Variants in ROBO1 observed in about 807,000 individuals in gnomAD.
ROBO1 encodes the protein roundabout homolog 1.
In ROBO1, 149 loss-of-function variants were observed where a neutral mutation model predicts 195.9. The ratio of observed to expected loss-of-function variants is 0.76; its 90% CI spans 0.67 to 0.87. The LOEUF (loss-of-function observed/expected upper bound fraction) is 0.87. Ranked by LOEUF, ROBO1 falls within the 40% of genes least tolerant of loss-of-function variation. ROBO1 has a pLI of 0.00. For synonymous variants in ROBO1, 816 were observed against 733.2 expected (o/e 1.11, Z -1.82); for missense variants, 1,933 against 2,068.3 (o/e 0.93, Z 1.27).
intron 2 of ROBO1, among the ~76,000 whole-genome samples, chr3:79,307,634 GTTC>G (rs1357787690): frequency 3.3e-5 from 5 of 151,886 alleles, no homozygotes; most frequent in Admixed American, 6.6e-5. Flanking sequence ...AAATGTTATG[GTTC>G]TTATTAGAAT....
At chr3:79,034,745 C>T (rs1553664773) in intron 3 of ROBO1, among the ~76,000 whole-genome samples, 2 of 152,022 alleles carry the variant, frequency 1.3e-5, no homozygotes, top group Non-Finnish European at 2.9e-5. Flanking sequence ...CTAAATCTTA[C>T]ATTTTATGTA....
chr3:79,564,555 T>C (rs1167936050), intron 2 of ROBO1, among the ~76,000 whole-genome samples: 1 of 152,080 alleles, frequency 6.6e-6, no homozygotes, highest in Non-Finnish European at 1.5e-5. Context: ...AGATATTTTA[T>C]GAATTGAATG....
At chr3:79,636,537 A>T (rs1945501924) in intron 1 of ROBO1, among the ~76,000 whole-genome samples, 1 of 152,056 alleles carries the variant, frequency 6.6e-6, no homozygotes, top group Admixed American at 6.6e-5. Flanking sequence ...TCATAAAGTG[A>T]TTCTTCTGAA....
intron 4 of ROBO1, among the ~76,000 whole-genome samples, chr3:78,753,797 G>C (rs954391111): frequency 6.6e-6 from 1 of 152,016 alleles, no homozygotes; most frequent in African/African-American, 2.4e-5. Context: ...TTGAAAGTCT[G>C]GTAGATCATT....
intron 28 of ROBO1, among the ~76,000 whole-genome samples, chr3:78,611,777 G>T (rs950722435): frequency 6.6e-6 from 1 of 152,126 alleles, no homozygotes; most frequent in Admixed American, 6.6e-5. Flanking sequence ...AGGTCACCGG[G>T]GTAGGTCCTA....
At chr3:79,230,741 G>A (rs1402764838) in intron 2 of ROBO1, among the ~76,000 whole-genome samples, 1 of 151,728 alleles carries the variant, frequency 6.6e-6, no homozygotes, top group African/African-American at 2.4e-5. Flanking sequence ...TTCTTTATAC[G>A]AGACCAAAAA....
At chr3:79,663,713 G>A (rs1188366640) in intron 1 of ROBO1, among the ~76,000 whole-genome samples, 1 of 152,118 alleles carries the variant, frequency 6.6e-6, no homozygotes, top group South Asian at 2.1e-4. Flanking sequence ...TATCTCTAGA[G>A]CACTTGCCAT....
At chr3:78,627,590 G>T (rs775082794) in intron 25 of ROBO1, 21 bp from the exon 26 acceptor site, 1 of 1,588,188 alleles carries the variant, frequency 6.3e-7, no homozygotes, top group South Asian at 1.2e-5. Context: ...TGATAAGGAT[G>T]TGTAGACTTA....
Position 78,830,748 on chromosome 3 carries a change from A to G in ROBO1, c.500-83848T>C, listed in dbSNP as rs569516456. On this transcript the variant is annotated intron_variant, in intron 4 of 30. Coordinates refer to ENST00000464233, the MANE Select transcript of ROBO1 (RefSeq NM_002941.4). The stretch of plus-strand genomic sequence containing the variant: ...TCTGTGAATTAGTAGAGGCAACAGG[A>G]AAAGAAATTCTCATGAATTTCTAGC... Among the ~76,000 whole-genome samples the G allele has an allele frequency of 3.9e-5, 6 of 152,274 alleles. No homozygotes were observed. In the South Asian group the frequency reaches 1.0e-3, roughly 26 times the overall value.
intron 2 of ROBO1, among the ~76,000 whole-genome samples, chr3:79,401,560 G>C (rs912148538): frequency 6.6e-6 from 1 of 151,740 alleles, no homozygotes; most frequent in Non-Finnish European, 1.5e-5. Context: ...TTCTTAAGTT[G>C]GAAGCATTTT....
At chr3:78,721,738 A>G (rs3773231) in intron 5 of ROBO1, among the ~76,000 whole-genome samples, 41,350 of 152,094 alleles carry the variant, frequency 0.27, 6,066 homozygotes, top group African/African-American at 0.38. Flanking sequence ...AACAGCTTAG[A>G]TTTATTTCTA....
chr3:78,787,185 G>A (rs1256748804), intron 4 of ROBO1, among the ~76,000 whole-genome samples: 1 of 152,064 alleles, frequency 6.6e-6, no homozygotes, highest in Non-Finnish European at 1.5e-5. Context: ...CATACTTTGA[G>A]GATCACTGGC....
chr3:78,659,764 A>G lies in ROBO1; in HGVS notation c.2364T>C (p.Asp788=). Residue 788 remains aspartate (D), a synonymous_variant, in exon 17 of 31, where the codon GAT becomes GAC. Transcript: ENST00000464233. ...TAACTAGAATTGCAGTTCCGTTTCC[A>G]TCATTCTTGGATACAGTTACACCTT... The part of the protein sequence containing the change: ...PPQGVTVSKN[D]GNGTAILVSW... The G allele has an allele frequency of 6.2e-7, 1 of 1,602,228 alleles. No individual in the cohort carries two copies. Among genetic ancestry groups the G allele is most frequent in the Non-Finnish European group, 8.5e-7 (1 of 1,173,738 alleles).
In ROBO1 at chr3:79,377,069, C is replaced by T. The variant is rs576699199; in HGVS notation, c.88+212755G>A. Among the ~76,000 whole-genome samples, 48 of 151,478 alleles carry T rather than the reference C, an allele frequency of 3.2e-4. 1 individual carries two copies. The highest frequency in any genetic ancestry group is 1.2e-3 in the East Asian group (6 of 5,150). On this transcript the variant is annotated intron_variant, in intron 2 of 30. Coordinates refer to ENST00000464233, the MANE Select transcript of ROBO1 (RefSeq NM_002941.4). ...TAAAGGAATTAAAAAGTGAACCAGC[C>T]GAAGAAGGCAAGTTTTTCAAGCCAC... is the stretch of plus-strand genomic sequence containing the variant.
At chr3:79,317,904 G>A (rs993262999) in intron 2 of ROBO1, among the ~76,000 whole-genome samples, 5 of 151,658 alleles carry the variant, frequency 3.3e-5, no homozygotes, top group African/African-American at 7.3e-5. Flanking sequence ...ATACACACAC[G>A]CATAAACAAC....
chr3:79,000,261 T>G (rs1047250118), intron 3 of ROBO1, among the ~76,000 whole-genome samples: 2 of 152,156 alleles, frequency 1.3e-5, no homozygotes, highest in Non-Finnish European at 2.9e-5. Flanking sequence ...CAGATCTCTT[T>G]GATGGGGTTG....
At chr3:79,473,619 G>A (rs74465482) in intron 2 of ROBO1, among the ~76,000 whole-genome samples, 6,129 of 152,092 alleles carry the variant, frequency 0.04, 153 homozygotes, top group Middle Eastern at 0.12. Context: ...ATTATTTTCA[G>A]TGATAGTCAT....
At position 78,929,325 on chromosome 3, in the gene ROBO1, A is replaced by G. The variant is rs187769238; in HGVS notation, c.499+9276T>C. On this transcript the variant is annotated intron_variant, in intron 4 of 30. Transcript: ENST00000464233. ...CACCTTTCCATTTTATTCATTTATAAAGACAGTCCTGTCATTGTGTGTATT... is the reference window on the plus strand; with the variant it reads ...CACCTTTCCATTTTATTCATTTATAGAGACAGTCCTGTCATTGTGTGTATT... 5.5e-3 allele frequency among the ~76,000 whole-genome samples: 837 copies of G among 152,222 alleles called. 7 individuals are homozygous for G. Among genetic ancestry groups the G allele is most frequent in the African/African-American group, 0.019 (797 of 41,532 alleles).
chr3:79,482,592 C>T (rs147747767), intron 2 of ROBO1, among the ~76,000 whole-genome samples: 219 of 152,262 alleles, frequency 1.4e-3, no homozygotes, highest in Non-Finnish European at 2.5e-3. Context: ...ATTACCCAGT[C>T]TCTGGTATGT....
Sources: gnomAD v4.1 joint callset for allele counts (sites outside exome capture counted in the v4.1 genomes callset) on GRCh38, gnomAD v4.1.1 for gene constraint, MANE v1.5 for transcripts, NCBI Gene and HGNC (gene_info 2026-07-23, HGNC 2026-07-21) for gene names.